PHACTR3: variants seen among roughly 807,000 people sequenced by gnomAD.
PHACTR3 encodes phosphatase and actin regulator 3.
Under a neutral mutation model 66.8 loss-of-function variants are expected in PHACTR3, and 16 were observed. That is an observed-to-expected ratio of 0.24 (90% confidence interval 0.16 to 0.36). The LOEUF is 0.36. Among genes scored for constraint, PHACTR3 ranks in the 10% least tolerant of loss-of-function variants. PHACTR3 has a pLI of 1.00. For synonymous variants in PHACTR3, 323 were observed against 292.1 expected, an observed-to-expected ratio of 1.11 and a Z score of -1.08; for missense variants, 647 against 719.9, an observed-to-expected ratio of 0.90 and a Z score of 1.16.
chr20:59,667,666 C>T (rs151053593), intron 1 of PHACTR3, among the ~76,000 whole-genome samples: 10 of 152,334 alleles, frequency 6.6e-5, no homozygotes, highest in African/African-American at 1.7e-4. Flanking sequence ...ATTTTCCTTC[C>T]AGGCCAGCCT....
At chr20:59,732,165 A>T (rs1469596947) in intron 1 of PHACTR3, among the ~76,000 whole-genome samples, 2 of 152,152 alleles carry the variant, frequency 1.3e-5, no homozygotes, top group Non-Finnish European at 2.9e-5. Context: ...GCATTTTCTA[A>T]CTACTTTAAT....
intron 1 of PHACTR3, among the ~76,000 whole-genome samples, chr20:59,716,522 G>T (rs2038098119): frequency 6.8e-6 from 1 of 147,354 alleles, no homozygotes; most frequent in Admixed American, 7.0e-5. Context: ...CAGATTACAG[G>T]CATGATCCAC....
chr20:59,623,739 T>A (rs992663965), intron 1 of PHACTR3, among the ~76,000 whole-genome samples: 3 of 152,048 alleles, frequency 2.0e-5, no homozygotes, highest in Non-Finnish European at 4.4e-5. Flanking sequence ...GGTGGCCATG[T>A]GGTGGGAGGG....
chr20:59,747,441 G>A (rs536256096), intron 2 of PHACTR3, among the ~76,000 whole-genome samples: 173 of 152,358 alleles, frequency 1.1e-3, no homozygotes, highest in African/African-American at 4.0e-3. Flanking sequence ...ATTTGGTGAA[G>A]GGCAGGAATG....
At chr20:59,638,318 TGCCTTATAC>T (rs1568951078) in intron 1 of PHACTR3, among the ~76,000 whole-genome samples, 6 of 152,184 alleles carry the variant, frequency 3.9e-5, no homozygotes, top group African/African-American at 1.4e-4. Flanking sequence ...CCCTTATCTA[TGCCTTATAC>T]ACAGTAGAGT....
chr20:59,657,525 G>A (rs1380259270), intron 1 of PHACTR3, among the ~76,000 whole-genome samples: 1 of 152,062 alleles, frequency 6.6e-6, no homozygotes, highest in Admixed American at 6.6e-5. Flanking sequence ...ATCTATGAAT[G>A]TCTTGAATTC....
chr20:59,803,743 T>A (rs2041486086), intron 7 of PHACTR3, among the ~76,000 whole-genome samples: 1 of 152,254 alleles, frequency 6.6e-6, no homozygotes, highest in South Asian at 2.1e-4. Flanking sequence ...GTGTTCAATT[T>A]CTTACTTTTA....
intron 7 of PHACTR3, among the ~76,000 whole-genome samples, chr20:59,796,739 A>G (rs1352109811): frequency 6.6e-6 from 1 of 152,172 alleles, no homozygotes; most frequent in Non-Finnish European, 1.5e-5. Context: ...ATTCCCCTAT[A>G]TGTGACTTTG....
intron 1 of PHACTR3, among the ~76,000 whole-genome samples, chr20:59,739,441 A>C (rs1038512280): frequency 6.6e-6 from 1 of 152,206 alleles, no homozygotes; most frequent in Admixed American, 6.5e-5. Flanking sequence ...TAATTGGCTC[A>C]AAGTTTAGCA....
chr20:59,783,167 CCTTTT>C, intron 7 of PHACTR3, among the ~76,000 whole-genome samples: 1 of 152,326 alleles, frequency 6.6e-6, no homozygotes, highest in Middle Eastern at 3.4e-3. Flanking sequence ...GCAGCCCCTG[CCTTTT>C]CTTGAAAGTT....
At chr20:59,775,078 C>T (rs538166949) in intron 7 of PHACTR3, among the ~76,000 whole-genome samples, 4 of 79,496 alleles carry the variant, frequency 5.0e-5, no homozygotes, top group Admixed American at 2.8e-4. Context: ...CCTCATGGTG[C>T]GTTCTCCCAT....
Position 59,643,157 on chromosome 20 carries a change from C to T in PHACTR3, c.118+38025C>T, listed in dbSNP as rs1324855103. On this transcript the variant is annotated intron_variant, in intron 1 of 12. Coordinates refer to ENST00000371015, the MANE Select transcript of PHACTR3 (RefSeq NM_080672.5). Reference sequence around the variant, plus strand: ...CGATCTCATGACCTTGTGATCCGCCCGCCTCGGCCTCCCAAAGTGCTGGGA... The same window carrying T: ...CGATCTCATGACCTTGTGATCCGCCTGCCTCGGCCTCCCAAAGTGCTGGGA... 5.3e-5 allele frequency among the ~76,000 whole-genome samples: 8 copies of T among 152,254 alleles called. No individual in the cohort carries two copies. In the East Asian group the frequency reaches 9.6e-4, roughly 18 times the overall value.
chr20:59,577,627 C>T (rs2146295344), intron 1 of PHACTR3: 3 of 1,207,718 alleles, frequency 2.5e-6, no homozygotes, highest in Non-Finnish European at 3.1e-6. Context: ...GGTAAGCGCG[C>T]GCTGCGGGGA....
At chr20:59,652,770 T>G (rs1464238028) in intron 1 of PHACTR3, among the ~76,000 whole-genome samples, 1 of 152,106 alleles carries the variant, frequency 6.6e-6, no homozygotes, top group Non-Finnish European at 1.5e-5. Context: ...CCACAATCCA[T>G]AATATCATTT....
At chr20:59,824,014 T>C (rs2042118307) in intron 8 of PHACTR3, among the ~76,000 whole-genome samples, 1 of 152,222 alleles carries the variant, frequency 6.6e-6, no homozygotes, top group African/African-American at 2.4e-5. Context: ...CAGCACGGGA[T>C]GCCCAGCATG....
intron 8 of PHACTR3, among the ~76,000 whole-genome samples, chr20:59,817,243 C>T (rs76658266): frequency 0.047 from 7,168 of 152,296 alleles, 385 homozygotes; most frequent in East Asian, 0.23. Context: ...CCTCAGTGGC[C>T]ATTGCCAATT....
intron 1 of PHACTR3, among the ~76,000 whole-genome samples, chr20:59,618,705 G>C (rs1387669220): frequency 2.0e-5 from 3 of 152,160 alleles, no homozygotes; most frequent in Non-Finnish European, 4.4e-5. Flanking sequence ...AGCCCTGAAG[G>C]CTGTGCAAGA....
intron 1 of PHACTR3, among the ~76,000 whole-genome samples, chr20:59,674,279 A>G (rs2036297965): frequency 6.6e-6 from 1 of 150,378 alleles, no homozygotes; most frequent in African/African-American, 2.5e-5. Context: ...GAATGTTCAG[A>G]ATTAATGTGC....
intron 1 of PHACTR3, among the ~76,000 whole-genome samples, chr20:59,678,434 A>G (rs1167782228): frequency 1.3e-5 from 2 of 152,172 alleles, no homozygotes; most frequent in South Asian, 4.1e-4. Flanking sequence ...GGCACATGAC[A>G]TATGGATGGG....
Sources: gnomAD v4.1 joint callset for allele counts (sites outside exome capture counted in the v4.1 genomes callset) on GRCh38, gnomAD v4.1.1 for gene constraint, MANE v1.5 for transcripts, NCBI Gene and HGNC (gene_info 2026-07-23, HGNC 2026-07-21) for gene names.